Variants in TTC23L observed in about 807,000 individuals in gnomAD.
The protein encoded by TTC23L is tetratricopeptide repeat protein 23-like.
TTC23L carries 42 observed loss-of-function variants against 48.1 expected under a neutral mutation model. The observed-to-expected ratio is 0.87, with a 90% confidence interval of 0.68 to 1.13. The LOEUF (loss-of-function observed/expected upper bound fraction) is 1.13. Ranked by LOEUF, TTC23L falls within the 50% of genes most tolerant of loss-of-function variation. The pLI is 0.00. For missense variants in TTC23L, 391 were observed against 421.0 expected (o/e 0.93, Z 0.62); for synonymous variants, 159 against 157.2 (o/e 1.01, Z -0.09).
At chr5:34,853,283 C>T (rs1393218705) in intron 4 of TTC23L, among the ~76,000 whole-genome samples, 1 of 152,138 alleles carries the variant, frequency 6.6e-6, no homozygotes, top group Non-Finnish European at 1.5e-5. Flanking sequence ...GTAATCCCAG[C>T]ACTTTGGGAG....
chr5:34,843,950 A>G (rs1580413249), intron 2 of TTC23L, among the ~76,000 whole-genome samples: 2 of 152,342 alleles, frequency 1.3e-5, no homozygotes, highest in East Asian at 3.9e-4. Context: ...GAAACAAACC[A>G]AAGAAACAAC....
At chr5:34,903,078 A>G (rs958248862), downstream of TTC23L, among the ~76,000 whole-genome samples, 14 of 152,130 alleles carry the variant, frequency 9.2e-5, no homozygotes, top group Admixed American at 3.3e-4. Flanking sequence ...TGACAAACCT[A>G]TATCAATAAA....
At chr5:34,879,094 CAG>C (rs1762048836) in intron 8 of TTC23L, among the ~76,000 whole-genome samples, 1 of 152,158 alleles carries the variant, frequency 6.6e-6, no homozygotes, top group Non-Finnish European at 1.5e-5. Flanking sequence ...AAGCCAGACA[CAG>C]AAAGTCAAGT....
At chr5:34,864,508 G>A in exon 6 of TTC23L, 1 of 1,613,896 alleles carries the variant, frequency 6.2e-7, no homozygotes, top group Non-Finnish European at 8.5e-7. Context: ...TTATATAAAG[G>A]AGGTGTTTGT....
the TTC23L span, chr5:34,909,110 A>T: frequency 3.5e-6 from 3 of 853,830 alleles, no homozygotes; most frequent in African/African-American, 3.4e-5. Context: ...AGAACCCTAC[A>T]TCCCCTAGTA....
chr5:34,880,342 G>A (rs747625809), intron 9 of TTC23L, 34 bp downstream of exon 9: 2 of 1,578,882 alleles, frequency 1.3e-6, no homozygotes, highest in Non-Finnish European at 1.7e-6. Context: ...AGAATTGCTA[G>A]TTTGTTTATT....
intron 9 of TTC23L, among the ~76,000 whole-genome samples, chr5:34,893,181 T>C (rs1158010004): frequency 6.6e-6 from 1 of 152,068 alleles, no homozygotes; most frequent in African/African-American, 2.4e-5. Flanking sequence ...ACCAGTCAGA[T>C]GTGAGGTTTA....
chr5:34,866,752 C>A, intron 6 of TTC23L, 140 bp from the exon 7 acceptor site: 1 of 706,386 alleles, frequency 1.4e-6, no homozygotes, highest in Non-Finnish European at 2.3e-6. Flanking sequence ...TTATTTACAG[C>A]AAGGCTAGAT....
At chr5:34,857,469 A>C (rs1239871788) in intron 4 of TTC23L, among the ~76,000 whole-genome samples, 2 of 152,228 alleles carry the variant, frequency 1.3e-5, no homozygotes, top group Non-Finnish European at 2.9e-5. Context: ...GTACAGAAAC[A>C]ACAGGGAATG....
At chr5:34,896,899 C>T (rs1041709400) in intron 10 of TTC23L, 24 bp downstream of exon 10, 26 of 710,752 alleles carry the variant, frequency 3.7e-5, no homozygotes, top group Non-Finnish European at 6.5e-5. Flanking sequence ...AGCTGTTGTA[C>T]AGGGCAGCAT....
intron 4 of TTC23L, among the ~76,000 whole-genome samples, chr5:34,854,230 A>G (rs1166131240): frequency 2.0e-5 from 3 of 152,188 alleles, no homozygotes; most frequent in African/African-American, 7.2e-5. Context: ...TTCCTGTACG[A>G]GAGACTTTTT....
intron 7 of TTC23L, 66 bp downstream of exon 7, chr5:34,867,135 C>T (rs1462242784): frequency 8.0e-6 from 12 of 1,502,110 alleles, no homozygotes; most frequent in Non-Finnish European, 1.1e-5. Context: ...TTCTCAGGGC[C>T]AGGGAAGCAT....
chr5:34,899,361 T>C (rs1326800039), intron 10 of TTC23L, 29 bp from the exon 11 acceptor site: 2 of 152,590 alleles, frequency 1.3e-5, no homozygotes, highest in African/African-American at 4.8e-5. Flanking sequence ...CCAAGAAAAA[T>C]GCTCAAATGG....
At chr5:34,917,570 G>A in the TTC23L span, among the ~76,000 whole-genome samples, 3 of 152,106 alleles carry the variant, frequency 2.0e-5, no homozygotes, top group African/African-American at 7.2e-5. Context: ...AACCCGGGAG[G>A]TGGAGGTTGC....
intron 8 of TTC23L, among the ~76,000 whole-genome samples, chr5:34,870,608 A>G (rs1273537072): frequency 6.6e-6 from 1 of 152,194 alleles, no homozygotes; most frequent in Non-Finnish European, 1.5e-5. Flanking sequence ...TGAGGCCAGT[A>G]TTACCCTGAT....
At chr5:34,898,395 C>CA (rs1047010025) in intron 10 of TTC23L, among the ~76,000 whole-genome samples, 3 of 152,152 alleles carry the variant, frequency 2.0e-5, no homozygotes, top group Non-Finnish European at 2.9e-5. Flanking sequence ...CACCTAAACT[C>CA]AAAGATAATA....
intron 2 of TTC23L, among the ~76,000 whole-genome samples, chr5:34,844,853 G>A (rs1227618876): frequency 1.3e-5 from 2 of 152,102 alleles, no homozygotes; most frequent in Non-Finnish European, 2.9e-5. Context: ...GTAGCGTGGG[G>A]TTCCCTCCCT....
At chr5:34,915,705 G>T in the TTC23L span, 1 of 1,569,584 alleles carries the variant, frequency 6.4e-7, no homozygotes, top group South Asian at 1.2e-5. Flanking sequence ...GGCAGCGCCG[G>T]AAAGGAGGCC....
At chr5:34,911,500 G>A in the TTC23L span, 2 of 1,566,968 alleles carry the variant, frequency 1.3e-6, no homozygotes, top group South Asian at 1.2e-5. Flanking sequence ...AAATGTCTAA[G>A]TGGGAAGATG....
Sources: gnomAD v4.1 joint callset for allele counts (sites outside exome capture counted in the v4.1 genomes callset) on GRCh38, gnomAD v4.1.1 for gene constraint, MANE v1.5 for transcripts, NCBI Gene and HGNC (gene_info 2026-07-23, HGNC 2026-07-21) for gene names.